Variants in DHX35 observed in about 807,000 individuals in gnomAD.
DHX35 encodes DEAH-box helicase 35, also known as probable ATP-dependent RNA helicase DHX35.
In DHX35, 84 loss-of-function variants were observed where a neutral mutation model predicts 99.6. The observed-to-expected ratio is 0.84, with a 90% confidence interval of 0.71 to 1.01. The LOEUF (loss-of-function observed/expected upper bound fraction) is 1.01. Among genes scored for constraint, DHX35 ranks in the 50% least tolerant of loss-of-function variants. DHX35 has a pLI of 0.00. For missense variants in DHX35, 852 were observed against 888.5 expected, an observed-to-expected ratio of 0.96 and a Z score of 0.52; for synonymous variants, 331 against 316.2, an observed-to-expected ratio of 1.05 and a Z score of -0.50.
chr20:39,030,743 G>A lies in DHX35; in HGVS notation c.1923G>A (p.Ala641=), dbSNP rs780228128. ...ACCATGAGCTGCACATACACCCTGC[G>A]TCAGTCCTCTATGCAGAGAAGCCGC... is the stretch of plus-strand genomic sequence containing the variant. ...RDDHELHIHP[A]SVLYAEKPPR... Residue 641 remains alanine (A), a synonymous_variant, in exon 20 of 22, where the codon GCG becomes GCA. Coordinates refer to ENST00000252011, the MANE Select transcript of DHX35 (RefSeq NM_021931.4). The A allele has an allele frequency of 7.4e-6, 12 of 1,614,112 alleles. No homozygotes were observed. The highest frequency in any genetic ancestry group is 4.5e-5 in the East Asian group (2 of 44,878).
chr20:38,981,241 C>G (rs2086167230), intron 3 of DHX35, among the ~76,000 whole-genome samples: 1 of 152,172 alleles, frequency 6.6e-6, no homozygotes, highest in Non-Finnish European at 1.5e-5. Context: ...TCTTCCAACT[C>G]TCACCTACTA....
At chr20:39,017,550 A>AC (rs368152216) in intron 14 of DHX35, among the ~76,000 whole-genome samples, 9 of 151,120 alleles carry the variant, frequency 6.0e-5, no homozygotes, top group African/African-American at 1.7e-4. Flanking sequence ...AGATAGAGGG[A>AC]CCCCCCGCCT....
At position 38,969,137 on chromosome 20, in the gene DHX35, T is replaced by C; in HGVS notation, c.97T>C (p.Ser33Pro). The C allele has an allele frequency of 6.2e-7, 1 of 1,613,892 alleles. No homozygotes were observed. Among genetic ancestry groups the C allele is most frequent in the Non-Finnish European group, 8.5e-7 (1 of 1,179,814 alleles). The part of the protein sequence containing the change: ...SEERQSLAEN[S>P]GTTVVYNPYA... ...AGAGAGACAAAGTCTGGCTGAAAAC[T>C]CTGGGACAACGGTTGTTTACAACCC... Residue 33 changes from serine (S) to proline (P), a missense_variant, in exon 2 of 22, where the codon TCT becomes CCT. Coordinates refer to ENST00000252011, the MANE Select transcript of DHX35 (RefSeq NM_021931.4).
At chr20:38,968,505 C>G (rs2085942965) in intron 1 of DHX35, among the ~76,000 whole-genome samples, 1 of 152,144 alleles carries the variant, frequency 6.6e-6, no homozygotes, top group Non-Finnish European at 1.5e-5. Flanking sequence ...ATACACAGTT[C>G]TGAGTGGCCA....
intron 8 of DHX35, among the ~76,000 whole-genome samples, chr20:38,996,766 A>G (rs2086436225): frequency 1.3e-5 from 2 of 152,192 alleles, no homozygotes; most frequent in South Asian, 2.1e-4. Flanking sequence ...CACAGGCTGT[A>G]GGAGTCTGTT....
chr20:39,023,349 A>G (rs1273502441), intron 16 of DHX35, among the ~76,000 whole-genome samples: 1 of 152,154 alleles, frequency 6.6e-6, no homozygotes, highest in East Asian at 1.9e-4. Flanking sequence ...TTCCAGTGCA[A>G]AAGTCAATTT....
intron 1 of DHX35, among the ~76,000 whole-genome samples, chr20:38,964,499 C>G (rs141459971): frequency 1.3e-5 from 2 of 151,990 alleles, no homozygotes; most frequent in African/African-American, 4.8e-5. Context: ...GGCGCAATCT[C>G]GGCTCACTGG....
At chr20:38,989,124 GTCTC>G (rs1323974798) in intron 5 of DHX35, among the ~76,000 whole-genome samples, 1 of 141,410 alleles carries the variant, frequency 7.1e-6, no homozygotes, top group Non-Finnish European at 1.5e-5. Flanking sequence ...TTGAGACAGA[GTCTC>G]TCTCTGTCAC....
intron 10 of DHX35, among the ~76,000 whole-genome samples, chr20:39,003,427 G>A (rs1184946546): frequency 6.6e-6 from 1 of 152,182 alleles, no homozygotes; most frequent in Non-Finnish European, 1.5e-5. Flanking sequence ...TTGTCTATAT[G>A]CATGAGATGC....
At chr20:39,014,850 G>T in intron 13 of DHX35, 30 bp from the exon 14 acceptor site, 1 of 1,613,906 alleles carries the variant, frequency 6.2e-7, no homozygotes. Flanking sequence ...CAAATAAATT[G>T]ATTCAGGAAG....
rs1467679166 is a variant in DHX35 at position 39,003,886 on chromosome 20, G to C, written c.990G>C (p.Arg330Ser). The part of the protein sequence containing the change: ...PSFEQMKVFE[R>S]VSRSVRKVIV... ...TTGAGCAAATGAAAGTGTTTGAAAG[G>C]GTGTCACGCAGTGTCAGAAAGGTGA... Residue 330 changes from arginine (R) to serine (S), a missense_variant, in exon 11 of 22, where the codon AGG (arginine) becomes AGC (serine). Transcript: ENST00000252011. The C allele has an allele frequency of 1.9e-6, 3 of 1,614,050 alleles. 1 individual carries two copies.
Position 39,004,356 on chromosome 20 carries a change from T to C in DHX35, c.1011+449T>C, listed in dbSNP as rs147949999. On this transcript the variant is annotated intron_variant, in intron 11 of 21. Coordinates refer to ENST00000252011, the MANE Select transcript of DHX35 (RefSeq NM_021931.4). ...CTGGGATTACAGGCGTCAGCCACCG[T>C]GCCCGGCCTGTTGTGAAGATTCTAA... Among the ~76,000 whole-genome samples, 599 of 152,304 alleles carry C rather than the reference T, an allele frequency of 3.9e-3. 6 individuals carry two copies. Among genetic ancestry groups the C allele is most frequent in the African/African-American group, 0.012 (519 of 41,558 alleles).
At chr20:38,969,724 T>A (rs2085965260) in intron 2 of DHX35, among the ~76,000 whole-genome samples, 2 of 152,240 alleles carry the variant, frequency 1.3e-5, no homozygotes, top group Non-Finnish European at 2.9e-5. Context: ...CACTCAGTTT[T>A]ATTAGCGCTC....
At chr20:38,987,905 G>C in intron 4 of DHX35, among the ~76,000 whole-genome samples, 1 of 152,230 alleles carries the variant, frequency 6.6e-6, no homozygotes, top group South Asian at 2.1e-4. Context: ...ACACAGTTGT[G>C]AACTGTTTCA....
intron 19 of DHX35, chr20:39,029,966 A>C (rs1204124287): frequency 6.6e-6 from 1 of 151,360 alleles, no homozygotes; most frequent in Non-Finnish European, 1.5e-5. Context: ...AGAAATTAAT[A>C]GTCCAGTATT....
chr20:39,019,996 T>C (rs1009616751), intron 15 of DHX35, among the ~76,000 whole-genome samples: 2 of 152,234 alleles, frequency 1.3e-5, no homozygotes, highest in African/African-American at 4.8e-5. Flanking sequence ...TGTTTGTCTT[T>C]CTGTGCCTGC....
At chr20:39,020,100 G>T (rs2086849387) in intron 15 of DHX35, among the ~76,000 whole-genome samples, 1 of 152,218 alleles carries the variant, frequency 6.6e-6, no homozygotes, top group Middle Eastern at 3.4e-3. Context: ...TTATTTCATT[G>T]TGTGTGTACA....
At chr20:38,981,355 T>C (rs970440926) in intron 3 of DHX35, among the ~76,000 whole-genome samples, 4 of 152,260 alleles carry the variant, frequency 2.6e-5, no homozygotes, top group African/African-American at 9.6e-5. Context: ...AAGGAAGAAC[T>C]GTGCTTTCTT....
chr20:39,015,615 AAGTTTT>A (rs1421648262), intron 14 of DHX35, among the ~76,000 whole-genome samples: 2 of 152,132 alleles, frequency 1.3e-5, no homozygotes, highest in Non-Finnish European at 2.9e-5. Flanking sequence ...ATTTTGAATT[AAGTTTT>A]AGTGGAGATT....
Sources: allele counts gnomAD v4.1 joint callset (sites outside exome capture counted in the v4.1 genomes callset), GRCh38; gene constraint gnomAD v4.1.1; transcripts MANE v1.5; gene names NCBI Gene and HGNC (gene_info 2026-07-23, HGNC 2026-07-21).